The following GIMAP8 variants were observed in gnomAD, a reference collection of about 807,000 sequenced individuals.
GIMAP8 encodes GTPase, IMAP family member 8.
GIMAP8 carries 29 observed loss-of-function variants against 35.6 expected under a neutral mutation model. The observed-to-expected ratio is 0.81, with a 90% CI of 0.61 to 1.11. GIMAP8 has a LOEUF of 1.11. Ranked by LOEUF, GIMAP8 falls within the 50% of genes most tolerant of loss-of-function variation. GIMAP8 has a pLI of 0.00. For synonymous variants in GIMAP8, 335 were observed against 308.7 expected (o/e 1.09, Z -0.89); for missense variants, 811 against 805.0 (o/e 1.01, Z -0.09).
chr7:150,474,736 T>TA (rs1802188321), intron 4 of GIMAP8, 98 bp downstream of exon 4: 6 of 807,178 alleles, frequency 7.4e-6, no homozygotes, highest in Non-Finnish European at 1.1e-5. Flanking sequence ...TCTTTTTTTT[T>TA]ATTATACTTT....
rs199667753 is a variant in GIMAP8 at position 150,477,758 on chromosome 7, A to G, written c.1976A>G (p.Asn659Ser). ...EMSQAEKLLK[N>S]LIGILQ The stretch of plus-strand genomic sequence containing the variant: ...TCCCAAGCCGAAAAACTCCTTAAAA[A>G]TTTAATAGGTATTTTACAATAGGTA... The change falls in exon 5 of 5, where the codon AAT becomes AGT. Residue 659 changes from asparagine (N) to serine (S), a missense_variant. Physicochemically the swap from Asn to Ser is conservative, Grantham distance 46 (BLOSUM62 1). Coordinates refer to ENST00000307271, the MANE Select transcript of GIMAP8 (RefSeq NM_175571.4). 18 of 1,613,156 alleles carry G rather than the reference A, an allele frequency of 1.1e-5. No individual in the cohort carries two copies. The highest frequency in any genetic ancestry group is 1.5e-5 in the Non-Finnish European group (18 of 1,179,774).
intron 1 of GIMAP8, among the ~76,000 whole-genome samples, chr7:150,466,384 G>A (rs1801956845): frequency 6.6e-6 from 1 of 151,716 alleles, no homozygotes; most frequent in Admixed American, 6.6e-5. Flanking sequence ...TTTGAAACAT[G>A]CTTATTTAGT....
Position 150,477,315 on chromosome 7 carries a change from A to G in GIMAP8, c.1533A>G (p.Glu511=). The G allele has an allele frequency of 6.2e-7, 1 of 1,614,150 alleles. No homozygotes were observed. The highest frequency in any genetic ancestry group is 8.5e-7 in the Non-Finnish European group (1 of 1,180,020). Residue 511 remains glutamate (E), a synonymous_variant, in exon 5 of 5, where the codon GAA becomes GAG. Coordinates refer to ENST00000307271, the MANE Select transcript of GIMAP8 (RefSeq NM_175571.4). The part of the protein sequence containing the change: ...LDVEKDPSRL[E]EEVKRCLSCC... Reference sequence around the variant, plus strand: ...TCGAAAAGGACCCATCCCGGTTAGAAGAGGAGGTCAAGCGCTGTTTGTCCT... The same window carrying G: ...TCGAAAAGGACCCATCCCGGTTAGAGGAGGAGGTCAAGCGCTGTTTGTCCT...
rs777655098 is a variant in GIMAP8 at position 150,477,792 on chromosome 7, G to C, written c.*12G>C. On this transcript the variant is annotated 3_prime_UTR_variant, in exon 5 of 5. Coordinates refer to ENST00000307271, the MANE Select transcript of GIMAP8 (RefSeq NM_175571.4). ...GTATTTTACAATAGGTAGCCGAAGT[G>C]CCTGGGGTCTCTTCAATTAGAGACA... 3.1e-6 allele frequency: 5 copies of C among 1,600,674 alleles called. 1 individual carries two copies. The South Asian group carries it at 5.6e-5, about 18-fold the overall frequency.
chr7:150,466,811 C>T lies in GIMAP8; in HGVS notation c.113C>T (p.Ser38Phe), dbSNP rs146845234. 2.2e-5 allele frequency: 35 copies of T among 1,614,092 alleles called. No homozygotes were observed. Among genetic ancestry groups the T allele is most frequent in the Non-Finnish European group, 2.9e-5 (34 of 1,180,046 alleles). ...NAILGKHVFK[S>F]KFSDQTVIKM... The stretch of plus-strand genomic sequence containing the variant: ...ATTCTGGGCAAACATGTGTTCAAGT[C>T]CAAGTTCAGTGATCAGACAGTGATC... Residue 38 changes from serine (S) to phenylalanine (F), a missense_variant, in exon 2 of 5, where the codon TCC (serine) becomes TTC (phenylalanine). Transcript: ENST00000307271.
At chr7:150,464,174 A>C (rs1014815504) in intron 1 of GIMAP8, among the ~76,000 whole-genome samples, 2 of 152,222 alleles carry the variant, frequency 1.3e-5, no homozygotes, top group East Asian at 1.9e-4. Context: ...AGATGGACAC[A>C]TAAGTATGAT....
intron 3 of GIMAP8, among the ~76,000 whole-genome samples, chr7:150,471,175 C>T (rs897371530): frequency 3.3e-5 from 5 of 152,178 alleles, no homozygotes; most frequent in Admixed American, 6.5e-5. Context: ...GCCTTGGATC[C>T]GGCCCTGCCC....
intron 4 of GIMAP8, among the ~76,000 whole-genome samples, chr7:150,475,753 G>T (rs549038590): frequency 1.3e-5 from 2 of 152,168 alleles, no homozygotes; most frequent in South Asian, 4.1e-4. Flanking sequence ...AGTCAGGAGA[G>T]GCTTTGTGTA....
rs1335768779 is a variant in GIMAP8 at position 150,474,103 on chromosome 7, T to C, written c.774T>C (p.Ala258=). 5 of 1,614,004 alleles carry C rather than the reference T, an allele frequency of 3.1e-6. No homozygotes were observed. The highest frequency in any genetic ancestry group is 4.2e-6 in the Non-Finnish European group (5 of 1,180,024). ...TCCTCCTTGTGGGGAAACGCGGTGC[T>C]GGAAAAAGTGCAGCAGGAAACAGCA... The part of the protein sequence containing the change: ...LTVLLVGKRG[A]GKSAAGNSIL... Residue 258 remains alanine, a synonymous_variant, in exon 4 of 5, where the codon GCT becomes GCC. Coordinates refer to ENST00000307271, the MANE Select transcript of GIMAP8 (RefSeq NM_175571.4).
chr7:150,452,388 G>A (rs1285863137), intron 1 of GIMAP8, among the ~76,000 whole-genome samples: 2 of 151,600 alleles, frequency 1.3e-5, no homozygotes, highest in African/African-American at 4.9e-5. Flanking sequence ...AAGACTCATT[G>A]GTTTGGTCAT....
chr7:150,477,352 G>A lies in GIMAP8; in HGVS notation c.1570G>A (p.Gly524Arg), dbSNP rs1451793433. ...VKRCLSCCEK[G>R]DTFFVLVFQL... ...GCGCTGTTTGTCCTGCTGTGAAAAA[G>A]GGGACACATTTTTTGTCCTGGTGTT... The change falls in exon 5 of 5, where the codon GGG becomes AGG. Residue 524 changes from glycine (G) to arginine (R), a missense_variant. Physicochemically the swap from Gly to Arg is moderately radical, Grantham distance 125. Transcript: ENST00000307271. The A allele has an allele frequency of 6.2e-7, 1 of 1,614,224 alleles. No individual in the cohort carries two copies. Among genetic ancestry groups the A allele is most frequent in the African/African-American group, 1.3e-5 (1 of 75,048 alleles).
chr7:150,466,581 T>G, intron 1 of GIMAP8, 90 bp from the exon 2 acceptor site: 1 of 1,161,634 alleles, frequency 8.6e-7, no homozygotes, highest in African/African-American at 1.5e-5. Flanking sequence ...GGCGGCAATT[T>G]GAGTCAAAAA....
Position 150,477,097 on chromosome 7 carries a change from C to T in GIMAP8, c.1315C>T (p.Leu439=), listed in dbSNP as rs1802245779. Residue 439 remains leucine, a synonymous_variant, in exon 5 of 5, where the codon CTG becomes TTG. Transcript: ENST00000307271. ...KHCVFREKET[L]NIVLVGRSGT... is the part of the protein sequence containing the mutation. ...TTCCCACTTTCCTTTGACAGAAACC[C>T]TGAACATTGTCCTTGTGGGGAGAAG... The T allele has an allele frequency of 1.3e-6, 2 of 1,599,662 alleles. No individual in the cohort carries two copies. The highest frequency in any genetic ancestry group is 4.5e-5 in the East Asian group (2 of 44,440).
Position 150,474,023 on chromosome 7 carries a change from A to G in GIMAP8, c.694A>G (p.Arg232Gly), listed in dbSNP as rs1278336379. ...EGDKPQGPRE[R>G]QLQSTGPEQN... ...CATTTGTCCCACAGGCCCAAGGGAA[A>G]GGCAGCTGCAGTCCACAGGACCCGA... The change falls in exon 4 of 5, where the codon AGG (arginine) becomes GGG (glycine). Residue 232 changes from arginine (R) to glycine (G), a missense_variant. By Grantham distance (125) the Arg-to-Gly change is moderately radical. Transcript: ENST00000307271. The G allele has an allele frequency of 6.2e-7, 1 of 1,612,318 alleles. No homozygotes were observed. Among genetic ancestry groups the G allele is most frequent in the Admixed American group, 1.7e-5 (1 of 59,858 alleles).
chr7:150,452,709 T>TATATATATACACAC (rs1373884339), intron 1 of GIMAP8, among the ~76,000 whole-genome samples: 7 of 106,626 alleles, frequency 6.6e-5, no homozygotes, highest in South Asian at 3.2e-4. Context: ...TATATATATA[T>TATATATATACACAC]ACATGCGAGT....
intron 4 of GIMAP8, among the ~76,000 whole-genome samples, chr7:150,476,329 A>G: frequency 6.6e-6 from 1 of 152,276 alleles, no homozygotes. Context: ...GTGCAAAAGC[A>G]TAAGAACGAT....
intron 2 of GIMAP8, among the ~76,000 whole-genome samples, chr7:150,467,563 T>G (rs1321863657): frequency 6.6e-6 from 1 of 152,184 alleles, no homozygotes; most frequent in East Asian, 1.9e-4. Context: ...ATTTAAGCCT[T>G]TATCTTACTT....
rs1281522711 is a variant in GIMAP8, at chr7:150,470,861, A to G, written c.669A>G (p.Gly223=). ...TGAATGAAGCTGCATCTCAAGAGGGAGACAAGCCACAGGGTAAGTTGATCT... is the reference window on the plus strand; with the variant it reads ...TGAATGAAGCTGCATCTCAAGAGGGGGACAAGCCACAGGGTAAGTTGATCT... ...DCVNEAASQE[G]DKPQGPRERQ... The change falls in exon 3 of 5, where the codon GGA becomes GGG. Residue 223 remains glycine, a synonymous_variant. Transcript: ENST00000307271. 2 of 1,601,350 alleles carry G rather than the reference A, an allele frequency of 1.2e-6. No homozygotes were observed. The highest frequency in any genetic ancestry group is 1.7e-6 in the Non-Finnish European group (2 of 1,173,044).
Position 150,477,356 on chromosome 7 carries a change from A to T in GIMAP8, c.1574A>T (p.Asp525Val), listed in dbSNP as rs1415217419. 4 of 1,614,022 alleles carry T rather than the reference A, an allele frequency of 2.5e-6. No individual in the cohort carries two copies. Among genetic ancestry groups the T allele is most frequent in the African/African-American group, 1.3e-5 (1 of 74,902 alleles). Residue 525 changes from aspartate to valine, a missense_variant, in exon 5 of 5, where the codon GAC becomes GTC. Transcript: ENST00000307271. ...TGTTTGTCCTGCTGTGAAAAAGGGG[A>T]CACATTTTTTGTCCTGGTGTTCCAG... is the stretch of plus-strand genomic sequence containing the variant. Reference protein sequence around the residue: ...KRCLSCCEKGDTFFVLVFQLG... With the variant: ...KRCLSCCEKGVTFFVLVFQLG...
Sources: gnomAD v4.1 joint callset for allele counts (sites outside exome capture counted in the v4.1 genomes callset) on GRCh38, gnomAD v4.1.1 for gene constraint, MANE v1.5 for transcripts, NCBI Gene and HGNC (gene_info 2026-07-23, HGNC 2026-07-21) for gene names.